The following GRM5 variants were observed in gnomAD, a reference collection of about 807,000 sequenced individuals.
The protein encoded by GRM5 is glutamate metabotropic receptor 5.
A neutral mutation model predicts 83.1 loss-of-function variants in GRM5; 19 were observed. The observed-to-expected ratio is 0.23, with a 90% CI of 0.16 to 0.34. GRM5 has a LOEUF of 0.34. GRM5 is among the 10% of genes least tolerant of loss of function. GRM5 has a pLI of 1.00. For synonymous variants in GRM5, 675 were observed against 633.6 expected (o/e 1.07, Z -0.98); for missense variants, 1,160 against 1,588.3 (o/e 0.73, Z 4.58).
chr11:88,999,934 T>C (rs1375650831), intron 2 of GRM5, among the ~76,000 whole-genome samples: 1 of 152,208 alleles, frequency 6.6e-6, no homozygotes, highest in Non-Finnish European at 1.5e-5. Context: ...TCATGTCCTT[T>C]GTAGGGACAT....
At chr11:88,624,296 C>T (rs974847302) in intron 4 of GRM5, among the ~76,000 whole-genome samples, 1 of 152,200 alleles carries the variant, frequency 6.6e-6, no homozygotes, top group African/African-American at 2.4e-5. Flanking sequence ...AGAATACCTT[C>T]CCATTATCTG....
Position 88,604,847 on chromosome 11 carries a change from T to C in GRM5, c.1265A>G (p.Tyr422Cys). The C allele has an allele frequency of 1.2e-6, 2 of 1,614,024 alleles. No individual in the cohort carries two copies. Among genetic ancestry groups the C allele is most frequent in the African/African-American group, 1.3e-5 (1 of 75,036 alleles). ...CTTCATGGCATCACAGAGTCCTGCA[T>C]AGCCTGGGCAGAGGGACATCTGCAT... ...HNMQMSLCPG[Y>C]AGLCDAMKPI... The change falls in exon 5 of 10, where the codon TAT becomes TGT. Residue 422 changes from tyrosine to cysteine, a missense_variant. By Grantham distance (194) the Tyr-to-Cys change is radical. Transcript: ENST00000305447.
intron 3 of GRM5, among the ~76,000 whole-genome samples, chr11:88,772,460 T>C (rs1261815305): frequency 6.6e-6 from 1 of 152,064 alleles, no homozygotes; most frequent in Non-Finnish European, 1.5e-5. Flanking sequence ...CATTTTTTAT[T>C]TTATTGTACT....
chr11:88,737,279 C>A (rs1941935606), intron 3 of GRM5, among the ~76,000 whole-genome samples: 1 of 152,016 alleles, frequency 6.6e-6, no homozygotes, highest in African/African-American at 2.4e-5. Flanking sequence ...AACCTTTTCA[C>A]AGACAGAGGT....
chr11:89,044,896 A>T (rs1405193659), intron 2 of GRM5, among the ~76,000 whole-genome samples: 2 of 151,766 alleles, frequency 1.3e-5, no homozygotes, highest in Non-Finnish European at 2.9e-5. Context: ...ACAGTACCCA[A>T]CAAAGCTGTA....
At chr11:88,993,767 G>A (rs1309696759) in intron 2 of GRM5, among the ~76,000 whole-genome samples, 3 of 152,118 alleles carry the variant, frequency 2.0e-5, no homozygotes, top group Non-Finnish European at 2.9e-5. Context: ...TGTTGTCCAG[G>A]CTGGAGTGCA....
chr11:88,789,525 C>A (rs1026542867), intron 3 of GRM5, among the ~76,000 whole-genome samples: 2 of 151,976 alleles, frequency 1.3e-5, no homozygotes, highest in East Asian at 3.9e-4. Context: ...TGTATTTAGC[C>A]ATTTTTGATA....
rs558886219 is a variant in GRM5, at chr11:88,665,288, A to G, written c.912-11885T>C. Among the ~76,000 whole-genome samples the G allele has an allele frequency of 2.6e-5, 4 of 151,926 alleles. No individual in the cohort carries two copies. In the South Asian group the frequency reaches 6.2e-4, roughly 24 times the overall value. On this transcript the variant is annotated intron_variant, in intron 3 of 9. Coordinates refer to ENST00000305447, the MANE Select transcript of GRM5 (RefSeq NM_001143831.3). ...AAATTAATATTCTGATAAAATGTCT[A>G]TTTCTGTATTGTTCAGTACCCTGTC... is the stretch of plus-strand genomic sequence containing the variant.
At chr11:88,913,034 T>C (rs1169106295) in intron 2 of GRM5, among the ~76,000 whole-genome samples, 2 of 152,224 alleles carry the variant, frequency 1.3e-5, no homozygotes, top group African/African-American at 4.8e-5. Flanking sequence ...CCCTGATTTT[T>C]ATTTTGCAGT....
At chr11:88,951,789 A>G (rs1938473272) in intron 2 of GRM5, among the ~76,000 whole-genome samples, 1 of 152,214 alleles carries the variant, frequency 6.6e-6, no homozygotes, top group South Asian at 2.1e-4. Context: ...AATAAATGTC[A>G]TCATAGTTAC....
intron 2 of GRM5, among the ~76,000 whole-genome samples, chr11:89,045,121 A>G (rs1374321948): frequency 1.3e-5 from 2 of 152,182 alleles, no homozygotes; most frequent in African/African-American, 4.8e-5. Context: ...TGAATGTCCA[A>G]TTCCAAGGTT....
chr11:88,976,342 T>A (rs760096403), intron 2 of GRM5, among the ~76,000 whole-genome samples: 4 of 152,160 alleles, frequency 2.6e-5, no homozygotes, highest in Admixed American at 6.6e-5. Flanking sequence ...TGGAGTGTAC[T>A]TCGGTCTCGT....
At chr11:89,050,023 G>A (rs1232256292) in intron 1 of GRM5, among the ~76,000 whole-genome samples, 1 of 152,180 alleles carries the variant, frequency 6.6e-6, no homozygotes, top group Non-Finnish European at 1.5e-5. Context: ...CATTTTTTAT[G>A]TAAGAACATC....
chr11:88,895,527 TATC>T (rs1352427395), intron 2 of GRM5, among the ~76,000 whole-genome samples: 2 of 151,980 alleles, frequency 1.3e-5, no homozygotes, highest in African/African-American at 4.8e-5. Context: ...GAGTATTAAC[TATC>T]ATAATTGGAT....
At chr11:88,888,099 C>T (rs149279596) in intron 2 of GRM5, among the ~76,000 whole-genome samples, 4,757 of 152,224 alleles carry the variant, frequency 0.031, 106 homozygotes, top group Non-Finnish European at 0.048. Flanking sequence ...ACAGAAAATA[C>T]ATAATTGAGG....
At chr11:88,974,651 T>G (rs1489618503) in intron 2 of GRM5, among the ~76,000 whole-genome samples, 1 of 152,164 alleles carries the variant, frequency 6.6e-6, no homozygotes, top group Non-Finnish European at 1.5e-5. Flanking sequence ...TGTGTTTCAG[T>G]TTGTAAGTTT....
chr11:89,007,644 G>A (rs546233850), intron 2 of GRM5, among the ~76,000 whole-genome samples: 2 of 152,284 alleles, frequency 1.3e-5, no homozygotes, highest in East Asian at 3.9e-4. Context: ...TTATCCAAGT[G>A]TATAAGAGGA....
At chr11:88,638,097 T>C (rs556131235) in intron 4 of GRM5, among the ~76,000 whole-genome samples, 6 of 141,384 alleles carry the variant, frequency 4.2e-5, no homozygotes, top group South Asian at 4.5e-4. Flanking sequence ...TAGGTGGGAA[T>C]TGAACAATGA....
At chr11:88,998,602 A>G (rs1940269865) in intron 2 of GRM5, among the ~76,000 whole-genome samples, 1 of 152,182 alleles carries the variant, frequency 6.6e-6, no homozygotes, top group Admixed American at 6.5e-5. Flanking sequence ...ATATAAGTAA[A>G]TAAGAGGTAA....
Sources: gnomAD v4.1 joint callset for allele counts (sites outside exome capture counted in the v4.1 genomes callset) on GRCh38, gnomAD v4.1.1 for gene constraint, MANE v1.5 for transcripts, NCBI Gene and HGNC (gene_info 2026-07-23, HGNC 2026-07-21) for gene names.